Variants in PDE11A observed in about 807,000 individuals in gnomAD.
PDE11A encodes the protein dual 3',5'-cyclic-AMP and -GMP phosphodiesterase 11A.
PDE11A carries 100 observed loss-of-function variants against 100.5 expected under a neutral mutation model. That is an observed-to-expected ratio of 1.00 (90% CI 0.85 to 1.18). The LOEUF is 1.18. Ranked by LOEUF, PDE11A falls within the 50% of genes most tolerant of loss-of-function variation. The pLI is 0.00. For missense variants in PDE11A, 1,141 were observed against 1,152.6 expected, an observed-to-expected ratio of 0.99 and a Z score of 0.15; for synonymous variants, 381 against 420.8, an observed-to-expected ratio of 0.91 and a Z score of 1.16.
intron 13 of PDE11A, among the ~76,000 whole-genome samples, chr2:177,710,076 A>T (rs2081337735): frequency 6.6e-6 from 1 of 151,512 alleles, no homozygotes; most frequent in Non-Finnish European, 1.5e-5. Flanking sequence ...TTCTATTAAT[A>T]GGATGCAGAC....
At chr2:177,789,628 A>C (rs1325720676) in intron 9 of PDE11A, among the ~76,000 whole-genome samples, 1 of 152,062 alleles carries the variant, frequency 6.6e-6, no homozygotes, top group East Asian at 1.9e-4. Flanking sequence ...ATGATTGTAT[A>C]TCTAGAAAAC....
At chr2:177,773,705 G>C (rs190317823) in intron 9 of PDE11A, among the ~76,000 whole-genome samples, 1 of 152,180 alleles carries the variant, frequency 6.6e-6, no homozygotes, top group African/African-American at 2.4e-5. Context: ...AACCAGTAGA[G>C]GGGGGAGAGA....
chr2:177,983,933 T>TATCAGA (rs2085912458), intron 2 of PDE11A, among the ~76,000 whole-genome samples: 1 of 152,236 alleles, frequency 6.6e-6, no homozygotes, highest in Non-Finnish European at 1.5e-5. Context: ...TGGAAGCTCT[T>TATCAGA]ATCAGAAGTG....
intron 1 of PDE11A, among the ~76,000 whole-genome samples, chr2:178,063,324 A>G (rs1204873071): frequency 6.6e-6 from 1 of 152,182 alleles, no homozygotes; most frequent in Admixed American, 6.5e-5. Context: ...GGGATTATGT[A>G]TGTGTGGTAC....
chr2:177,657,322 G>A (rs974177716), intron 19 of PDE11A, among the ~76,000 whole-genome samples: 1 of 152,216 alleles, frequency 6.6e-6, no homozygotes, highest in Non-Finnish European at 1.5e-5. Context: ...GAATGGTGAT[G>A]CCTGGGGCTC....
At chr2:178,025,314 G>A (rs753761673) in intron 1 of PDE11A, among the ~76,000 whole-genome samples, 2 of 152,166 alleles carry the variant, frequency 1.3e-5, no homozygotes, top group African/African-American at 2.4e-5. Context: ...CTTTATTTAA[G>A]TCTTTCAAAT....
chr2:177,862,944 T>C (rs2083968013), intron 5 of PDE11A, among the ~76,000 whole-genome samples: 1 of 151,916 alleles, frequency 6.6e-6, no homozygotes, highest in South Asian at 2.1e-4. Flanking sequence ...ATTACAAAGC[T>C]ATAGTAATAA....
upstream of PDE11A, among the ~76,000 whole-genome samples, chr2:178,076,325 T>A (rs1253697723): frequency 6.6e-6 from 1 of 152,222 alleles, no homozygotes; most frequent in Non-Finnish European, 1.5e-5. Context: ...TATTTCTTTA[T>A]CATGGCCAAT....
intron 19 of PDE11A, among the ~76,000 whole-genome samples, chr2:177,663,202 G>C (rs1290231765): frequency 1.4e-5 from 2 of 146,722 alleles, no homozygotes; most frequent in African/African-American, 2.8e-5. Flanking sequence ...ACCATTCAAA[G>C]CGACACTTTT....
intron 4 of PDE11A, among the ~76,000 whole-genome samples, chr2:177,876,951 T>C (rs1029319696): frequency 3.4e-5 from 5 of 147,804 alleles, no homozygotes; most frequent in Admixed American, 1.3e-4. Context: ...CCATATAAAG[T>C]ATGAGACTCA....
rs149520718 is a variant in PDE11A at position 178,009,473 on chromosome 2, C to T, written c.1071+4829G>A. Among the ~76,000 whole-genome samples, 936 of 152,200 alleles carry T rather than the reference C, an allele frequency of 6.1e-3. 10 individuals carry two copies. The highest frequency in any genetic ancestry group is 0.022 in the African/African-American group (906 of 41,524). On this transcript the variant is annotated intron_variant, in intron 2 of 19. Coordinates refer to ENST00000286063, the MANE Select transcript of PDE11A (RefSeq NM_016953.4). ...GGCTATATTTCATACAAACTCTCAC[C>T]ACTGCTGATAAAATTATTGCTAATT...
At chr2:177,629,711 G>C in intron 19 of PDE11A, 149 bp from the exon 20 acceptor site, 1 of 797,482 alleles carries the variant, frequency 1.3e-6, no homozygotes, top group Non-Finnish European at 2.1e-6. Flanking sequence ...CTATTTACAA[G>C]AAGTAAATAT....
At chr2:177,837,864 A>C (rs2083430054) in intron 6 of PDE11A, among the ~76,000 whole-genome samples, 2 of 152,240 alleles carry the variant, frequency 1.3e-5, no homozygotes, top group Non-Finnish European at 2.9e-5. Flanking sequence ...AAAGTCAGGT[A>C]ATACGGGATT....
intron 17 of PDE11A, among the ~76,000 whole-genome samples, chr2:177,674,254 T>C (rs1256420806): frequency 6.6e-6 from 1 of 152,170 alleles, no homozygotes; most frequent in African/African-American, 2.4e-5. Context: ...ATAACCATAT[T>C]AGTTTCCTAA....
chr2:177,709,899 T>G (rs75173837), intron 13 of PDE11A, among the ~76,000 whole-genome samples: 2,516 of 152,032 alleles, frequency 0.017, 64 homozygotes, highest in African/African-American at 0.057. Flanking sequence ...TCTCCAATGA[T>G]TGGAACCGGA....
At chr2:177,791,085 C>G (rs2105535281) in intron 9 of PDE11A, among the ~76,000 whole-genome samples, 1 of 152,202 alleles carries the variant, frequency 6.6e-6, no homozygotes, top group South Asian at 2.1e-4. Flanking sequence ...GACACATGCA[C>G]ATGTATGTTT....
intron 15 of PDE11A, among the ~76,000 whole-genome samples, chr2:177,684,420 T>C (rs183543626): frequency 1.1e-3 from 163 of 152,336 alleles, no homozygotes; most frequent in African/African-American, 3.8e-3. Flanking sequence ...TAAAAATAAA[T>C]GTAAAACATC....
At chr2:177,664,075 A>T in intron 18 of PDE11A, 126 bp from the exon 19 acceptor site, 1 of 679,642 alleles carries the variant, frequency 1.5e-6, no homozygotes, top group Non-Finnish European at 2.7e-6. Context: ...ATCACAATCA[A>T]TCTTTACACA....
At chr2:177,945,046 C>T (rs1478345599) in intron 2 of PDE11A, among the ~76,000 whole-genome samples, 1 of 148,834 alleles carries the variant, frequency 6.7e-6, no homozygotes, top group East Asian at 2.0e-4. Flanking sequence ...GGTCTCCAGC[C>T]CCTAACCGCG....
Sources: gnomAD v4.1 joint callset for allele counts (sites outside exome capture counted in the v4.1 genomes callset) on GRCh38, gnomAD v4.1.1 for gene constraint, MANE v1.5 for transcripts, NCBI Gene and HGNC (gene_info 2026-07-23, HGNC 2026-07-21) for gene names.